The following ARID5B variants were observed in gnomAD, a reference collection of about 807,000 sequenced individuals.
The protein encoded by ARID5B is AT-rich interactive domain-containing protein 5B.
ARID5B carries 13 observed loss-of-function variants against 97.2 expected under a neutral mutation model. The observed-to-expected ratio is 0.13, with a 90% CI of 0.09 to 0.21. The LOEUF is 0.21. ARID5B is among the 10% of genes least tolerant of loss of function. ARID5B has a pLI of 1.00. For missense variants in ARID5B, 1,210 were observed against 1,465.3 expected (o/e 0.83, Z 2.84); for synonymous variants, 556 against 570.3 (o/e 0.97, Z 0.36).
intron 4 of ARID5B, among the ~76,000 whole-genome samples, chr10:62,007,176 A>G (rs1464818391): frequency 1.3e-5 from 2 of 152,178 alleles, no homozygotes; most frequent in Admixed American, 6.5e-5. Context: ...GAATAAGTCT[A>G]TGTTCGCTTG....
intron 3 of ARID5B, among the ~76,000 whole-genome samples, chr10:61,993,533 T>C (rs1838956026): frequency 6.6e-6 from 1 of 152,248 alleles, no homozygotes; most frequent in Non-Finnish European, 1.5e-5. Context: ...CTCTTTTTTT[T>C]TCTTCATGTT....
chr10:61,941,520 T>G (rs1337653757), intron 3 of ARID5B, among the ~76,000 whole-genome samples: 6 of 152,108 alleles, frequency 3.9e-5, no homozygotes, highest in Non-Finnish European at 2.9e-5. Context: ...TTCCTGGTTT[T>G]TTTTTTTTTA....
intron 2 of ARID5B, among the ~76,000 whole-genome samples, chr10:61,935,414 T>C (rs1201790460): frequency 1.3e-5 from 2 of 151,966 alleles, no homozygotes; most frequent in African/African-American, 4.8e-5. Context: ...AGCAGGGTCA[T>C]GGATGGATGG....
At position 61,938,091 on chromosome 10, in the gene ARID5B, T is replaced by C. The variant is rs535063857; in HGVS notation, c.277-2092T>C. On this transcript the variant is annotated intron_variant, in intron 2 of 9. Transcript: ENST00000279873. ...TGTGTGTGTGTATTCATGAAAGATCTGTTTGAGAGAGGGAGAAAAAGGGAG... is the reference window on the plus strand; with the variant it reads ...TGTGTGTGTGTATTCATGAAAGATCCGTTTGAGAGAGGGAGAAAAAGGGAG... Among the ~76,000 whole-genome samples the C allele has an allele frequency of 3.4e-4, 52 of 152,306 alleles. 1 individual carries two copies. Among genetic ancestry groups the C allele is most frequent in the Non-Finnish European group, 8.8e-5 (6 of 68,016 alleles).
chr10:61,976,547 A>T (rs558102317), intron 3 of ARID5B, among the ~76,000 whole-genome samples: 1 of 152,330 alleles, frequency 6.6e-6, no homozygotes, highest in Non-Finnish European at 1.5e-5. Context: ...TTTAGAGTGT[A>T]TGCTGTTGAA....
intron 7 of ARID5B, among the ~76,000 whole-genome samples, chr10:62,061,322 A>G (rs1839918880): frequency 6.6e-6 from 1 of 152,256 alleles, no homozygotes; most frequent in Admixed American, 6.5e-5. Context: ...TTAGACATGA[A>G]TGATGGATTA....
chr10:62,044,312 G>A, intron 4 of ARID5B, among the ~76,000 whole-genome samples: 1 of 150,770 alleles, frequency 6.6e-6, no homozygotes. Flanking sequence ...GATGACATTT[G>A]AACATGAAAA....
intron 3 of ARID5B, among the ~76,000 whole-genome samples, chr10:61,959,010 T>A (rs1838433089): frequency 6.6e-6 from 1 of 152,258 alleles, no homozygotes; most frequent in Non-Finnish European, 1.5e-5. Context: ...AATGAAAGGC[T>A]GTCAGTTGAA....
At chr10:61,980,884 A>G (rs565422763) in intron 3 of ARID5B, among the ~76,000 whole-genome samples, 1 of 152,124 alleles carries the variant, frequency 6.6e-6, no homozygotes, top group Non-Finnish European at 1.5e-5. Flanking sequence ...TATCCCAAAT[A>G]TCATCACTCA....
chr10:62,079,706 G>A (rs1333469875), intron 8 of ARID5B, among the ~76,000 whole-genome samples: 2 of 152,236 alleles, frequency 1.3e-5, no homozygotes, highest in East Asian at 1.9e-4. Flanking sequence ...CACACACTCC[G>A]GGACCATGGA....
rs1839344890 is a variant in ARID5B at position 62,020,762 on chromosome 10, A to G, written c.733+20441A>G. Among the ~76,000 whole-genome samples the G allele has an allele frequency of 3.9e-5, 6 of 152,122 alleles. 1 individual carries two copies. The South Asian group carries it at 1.2e-3, about 31-fold the overall frequency. ...CCAACGCCAGAGAAGAGAATTAAGC[A>G]TTACATAAGAACATAGCAAAGTTTG... On this transcript the variant is annotated intron_variant, in intron 4 of 9. Transcript: ENST00000279873.
At chr10:62,048,911 C>T (rs1440135839) in intron 4 of ARID5B, among the ~76,000 whole-genome samples, 1 of 152,194 alleles carries the variant, frequency 6.6e-6, no homozygotes, top group African/African-American at 2.4e-5. Context: ...TGCCTGCGAC[C>T]TGCTACCCCA....
At chr10:61,932,019 T>C (rs937979058) in intron 2 of ARID5B, among the ~76,000 whole-genome samples, 22 of 152,134 alleles carry the variant, frequency 1.4e-4, no homozygotes, top group African/African-American at 2.7e-4. Flanking sequence ...CTCTAGAGAA[T>C]TGAAAATATG....
At chr10:62,038,379 AAAAAG>A (rs963697550) in intron 4 of ARID5B, among the ~76,000 whole-genome samples, 5 of 151,966 alleles carry the variant, frequency 3.3e-5, no homozygotes, top group African/African-American at 1.2e-4. Context: ...TTAAAAAAAA[AAAAAG>A]AAAAGAAAAA....
intron 8 of ARID5B, among the ~76,000 whole-genome samples, chr10:62,074,112 T>G (rs535507534): frequency 6.6e-6 from 1 of 152,362 alleles, no homozygotes; most frequent in East Asian, 1.9e-4. Flanking sequence ...AATGCTAGAT[T>G]ACTGGTTTTA....
intron 5 of ARID5B, among the ~76,000 whole-genome samples, chr10:62,055,990 C>T (rs1839851829): frequency 6.6e-6 from 1 of 152,192 alleles, no homozygotes; most frequent in Non-Finnish European, 1.5e-5. Context: ...CTCCCGATGT[C>T]AGTTACGGAG....
At chr10:62,024,564 A>T in intron 4 of ARID5B, 1 of 372,914 alleles carries the variant, frequency 2.7e-6, no homozygotes, top group Non-Finnish European at 4.8e-6. Context: ...TTCCTGATTG[A>T]TATTGACTAC....
At chr10:61,931,017 C>T (rs1228431742) in intron 2 of ARID5B, among the ~76,000 whole-genome samples, 1 of 152,164 alleles carries the variant, frequency 6.6e-6, no homozygotes, top group African/African-American at 2.4e-5. Context: ...TCAGACCCTT[C>T]ACAGTTCTTA....
At chr10:62,082,242 G>T (rs1291164073) in intron 8 of ARID5B, among the ~76,000 whole-genome samples, 2 of 152,014 alleles carry the variant, frequency 1.3e-5, no homozygotes, top group East Asian at 1.9e-4. Context: ...TCCATTAATC[G>T]CATCGTAAAT....
Sources: gnomAD v4.1 joint callset for allele counts (sites outside exome capture counted in the v4.1 genomes callset) on GRCh38, gnomAD v4.1.1 for gene constraint, MANE v1.5 for transcripts, NCBI Gene and HGNC (gene_info 2026-07-23, HGNC 2026-07-21) for gene names.